CHADL: variants seen among roughly 807,000 people sequenced by gnomAD.
CHADL encodes the protein chondroadherin like, also known as chondroadherin-like protein.
CHADL carries 48 observed loss-of-function variants against 52.1 expected under a neutral mutation model. The observed-to-expected ratio is 0.92, with a 90% CI of 0.73 to 1.17. The LOEUF is 1.17. Among genes scored for constraint, CHADL ranks in the 50% most tolerant of loss-of-function variants. The pLI, the probability that CHADL is intolerant of heterozygous loss-of-function variation, is 0.00. For synonymous variants in CHADL, 498 were observed against 511.2 expected (o/e 0.97, Z 0.35); for missense variants, 977 against 1,035.1 (o/e 0.94, Z 0.77).
chr22:41,236,460 G>T, intron 4 of CHADL, 24 bp downstream of exon 4: 2 of 1,544,914 alleles, frequency 1.3e-6, no homozygotes, highest in Non-Finnish European at 1.8e-6. Context: ...GTCTTTGGCT[G>T]GAGGTCTAGG....
chr22:41,238,118 C>T lies in CHADL; in HGVS notation c.954G>A (p.Ala318=). ...GCGCCAGCCACTCGAGTAGGGGCCGCGCCTGGCAGCCGCACCACAGCGGAT... is the reference window on the plus strand; with the variant it reads ...GCGCCAGCCACTCGAGTAGGGGCCGTGCCTGGCAGCCGCACCACAGCGGAT... The part of the protein sequence containing the change: ...QGNPLWCGCQ[A]RPLLEWLARA... Residue 318 remains alanine (A), a synonymous_variant, in exon 3 of 6, where the codon GCG becomes GCA. Coordinates refer to ENST00000216241, the MANE Select transcript of CHADL (RefSeq NM_138481.2). This position sits in a 1 kb window ranked among gnomAD's most constrained non-coding sequence, Gnocchi z 4.9. The T allele has an allele frequency of 1.5e-6, 2 of 1,343,544 alleles. No individual in the cohort carries two copies. The highest frequency in any genetic ancestry group is 1.9e-6 in the Non-Finnish European group (2 of 1,055,576). The allele number at this position is 1,343,544 out of a possible 1,614,324, so 83.2% of individuals were successfully genotyped here.
rs915742337 is a variant in CHADL at position 41,238,636 on chromosome 22, G to C, written c.436C>G (p.Leu146Val). Residue 146 changes from leucine to valine, a missense_variant, in exon 3 of 6, where the codon CTG (leucine) becomes GTG (valine). By Grantham distance (32) the Leu-to-Val change is conservative. Transcript: ENST00000216241. The surrounding 1 kb of genome is among the most constrained non-coding windows in gnomAD (Gnocchi z 4.9). ...AACGTCCCCGGCCGCAGCTCCTCCAGTGCGTTCCCCTCCAGCTCCAGCCGC... is the reference window on the plus strand; with the variant it reads ...AACGTCCCCGGCCGCAGCTCCTCCACTGCGTTCCCCTCCAGCTCCAGCCGC... ...LRRLELEGNALEELRPGTFGA... is the reference protein window; with the variant it reads ...LRRLELEGNAVEELRPGTFGA... 10 of 1,544,066 alleles carry C rather than the reference G, an allele frequency of 6.5e-6. No individual in the cohort carries two copies. In the African/African-American group the frequency reaches 1.4e-4, roughly 21 times the overall value.
chr22:41,240,924 G>T lies in CHADL; in HGVS notation c.-43C>A, dbSNP rs1282369234. The T allele has an allele frequency of 1.3e-6, 2 of 1,541,008 alleles. No homozygotes were observed. Among genetic ancestry groups the T allele is most frequent in the Admixed American group, 2.0e-5 (1 of 50,070 alleles). ...GTCCAGCCTGGAGGCGCAGCGCAGG[G>T]ACAGGCTGTCCCCGCCTGGCAGGAG... On this transcript the variant is annotated 5_prime_UTR_variant, in exon 1 of 6. Transcript: ENST00000216241.
In CHADL at chr22:41,229,578, CA is replaced by C; in HGVS notation, c.*125del. ...GCCCACTAAGACGCGACCCCTCAGA[CA>C]GGGGTCCAAGAAGCCCCTGCTGGAG... On this transcript the variant is annotated 3_prime_UTR_variant, in exon 6 of 6. Coordinates refer to ENST00000216241, the MANE Select transcript of CHADL (RefSeq NM_138481.2). The C allele has an allele frequency of 6.2e-7, 1 of 1,613,392 alleles. No homozygotes were observed. The highest frequency in any genetic ancestry group is 8.5e-7 in the Non-Finnish European group (1 of 1,179,424).
intron 1 of CHADL, 127 bp from the exon 2 acceptor site, chr22:41,239,747 A>G: frequency 1.2e-6 from 1 of 848,890 alleles, no homozygotes; most frequent in Non-Finnish European, 1.7e-6. Context: ...TGGGCCCAGG[A>G]AAGTGCCAAT....
intron 5 of CHADL, among the ~76,000 whole-genome samples, chr22:41,233,415 C>T (rs1569157774): frequency 6.6e-6 from 1 of 151,924 alleles, no homozygotes; most frequent in Non-Finnish European, 1.5e-5. Context: ...TGAGCCAAGA[C>T]TGTGCCATTG....
intron 2 of CHADL, among the ~76,000 whole-genome samples, chr22:41,239,163 C>T (rs528987564): frequency 7.9e-5 from 12 of 152,282 alleles, no homozygotes; most frequent in Middle Eastern, 3.4e-3. Flanking sequence ...TGCCACAGCC[C>T]GCCTCTCCAC....
At chr22:41,230,317 A>C in intron 5 of CHADL, 2 of 1,152,914 alleles carry the variant, frequency 1.7e-6, no homozygotes, top group Non-Finnish European at 2.6e-6. Flanking sequence ...CACCACCACC[A>C]TGCCTCCACC....
intron 5 of CHADL, among the ~76,000 whole-genome samples, chr22:41,234,762 G>A (rs1407013903): frequency 1.3e-5 from 2 of 152,122 alleles, no homozygotes; most frequent in Non-Finnish European, 2.9e-5. Flanking sequence ...CACCGTGTTA[G>A]CCAGATGGTC....
intron 5 of CHADL, among the ~76,000 whole-genome samples, chr22:41,232,205 A>G (rs566271875): frequency 0.011 from 1,713 of 151,792 alleles, 13 homozygotes; most frequent in East Asian, 0.026. Context: ...GGTGGCAGTC[A>G]CCTGTAATCC....
chr22:41,232,524 ATC>A (rs1452119806), intron 5 of CHADL, among the ~76,000 whole-genome samples: 7 of 152,060 alleles, frequency 4.6e-5, no homozygotes, highest in Admixed American at 4.6e-4. Context: ...GCAGGCGAGC[ATC>A]TCCAGCCGGG....
intron 5 of CHADL, chr22:41,230,304 T>G: frequency 4.4e-5 from 57 of 1,302,064 alleles, no homozygotes; most frequent in Non-Finnish European, 5.9e-5. Context: ...AGCGTTTCTC[T>G]ACCACCACCA....
chr22:41,237,849 T>G lies in CHADL; in HGVS notation c.1223A>C (p.His408Pro), dbSNP rs2032775533. The G allele has an allele frequency of 8.2e-7, 1 of 1,217,642 alleles. No individual in the cohort carries two copies. The highest frequency in any genetic ancestry group is 1.7e-5 in the African/African-American group (1 of 59,794). The allele number at this position is 1,217,642 out of a possible 1,614,324, so 75.4% of individuals were successfully genotyped here. A position where few individuals can be genotyped will look rare whatever the true frequency, so the allele number is the denominator to read the frequency against. Residue 408 changes from histidine (H) to proline (P), a missense_variant, in exon 3 of 6, where the codon CAC becomes CCC. Transcript: ENST00000216241. ...RACVCVPESR[H>P]SSCEGCGLQA... ...CAGGCCGCAGCCCTCGCAGCTGCTG[T>G]GCCGGGACTCGGGGACGCACACGCA...
In CHADL at chr22:41,236,755, G is replaced by A. The variant is rs564465719; in HGVS notation, c.1897-105C>T. ...CCCTCAGCAGAAGAGAAGCTGGAGA[G>A]CCCAAGCTGGTCCAGCCAGGAAGTG... On this transcript the variant is annotated intron_variant, in intron 3 of 5. Coordinates refer to ENST00000216241, the MANE Select transcript of CHADL (RefSeq NM_138481.2). 9 of 1,163,528 alleles carry A rather than the reference G, an allele frequency of 7.7e-6. No individual in the cohort carries two copies. In the East Asian group the frequency reaches 2.3e-4, roughly 30 times the overall value. 72.1% of individuals were successfully genotyped at this position (1,163,528 alleles called of 1,614,324 possible). A position where few individuals can be genotyped will look rare whatever the true frequency, so the allele number is the denominator to read the frequency against.
intron 5 of CHADL, chr22:41,230,092 C>CCCCCCCT: frequency 3.1e-6 from 3 of 969,176 alleles, no homozygotes; most frequent in South Asian, 3.0e-5. Flanking sequence ...CCCACCCCTC[C>CCCCCCCT]CAGAGTTATT....
At chr22:41,239,098 G>A (rs996934404) in intron 2 of CHADL, among the ~76,000 whole-genome samples, 4 of 151,970 alleles carry the variant, frequency 2.6e-5, no homozygotes, top group African/African-American at 9.7e-5. Flanking sequence ...CTGCCTCCTC[G>A]CTCTCTCTCC....
intron 5 of CHADL, chr22:41,229,997 C>A: frequency 1.4e-6 from 1 of 701,870 alleles, no homozygotes; most frequent in Non-Finnish European, 2.4e-6. Context: ...CTGCCACTGC[C>A]CTCCCAGAAG....
chr22:41,230,093 C>CCCCGCT, intron 5 of CHADL: 1 of 965,792 alleles, frequency 1.0e-6, no homozygotes, highest in Non-Finnish European at 1.6e-6. Flanking sequence ...CCACCCCTCC[C>CCCCGCT]AGAGTTATTT....
At chr22:41,230,511 C>A in intron 5 of CHADL, 2 of 467,480 alleles carry the variant, frequency 4.3e-6, no homozygotes, top group African/African-American at 2.0e-5. Context: ...CCTTTTCCAG[C>A]CAGAGTTCCC....
Sources: allele counts gnomAD v4.1 joint callset (sites outside exome capture counted in the v4.1 genomes callset), GRCh38; gene constraint gnomAD v4.1.1; non-coding constraint Gnocchi (gnomAD v3.1); transcripts MANE v1.5; gene names NCBI Gene and HGNC (gene_info 2026-07-23, HGNC 2026-07-21).